METTL15: variants seen among roughly 807,000 people sequenced by gnomAD.
METTL15 encodes the protein methyltransferase 15, mitochondrial 12S rRNA N4-cytidine, also known as 12S rRNA N(4)-cytidine methyltransferase METTL15.
Under a neutral mutation model 38.3 loss-of-function variants are expected in METTL15, and 34 were observed. That is an observed-to-expected ratio of 0.89 (90% CI 0.68 to 1.18). The LOEUF (loss-of-function observed/expected upper bound fraction) is 1.18. METTL15 is among the 50% of genes most tolerant of loss of function. METTL15 has a pLI of 0.00. For missense variants in METTL15, 438 were observed against 498.4 expected (o/e 0.88, Z 1.15); for synonymous variants, 162 against 170.9 (o/e 0.95, Z 0.41).
At chr11:28,197,263 C>G (rs1011624157) in intron 3 of METTL15, among the ~76,000 whole-genome samples, 19 of 151,668 alleles carry the variant, frequency 1.3e-4, no homozygotes, top group Admixed American at 7.9e-4. Context: ...CTTCTGTCAA[C>G]CAAAGGTTCT....
chr11:28,140,237 T>G (rs1849653782), intron 3 of METTL15, among the ~76,000 whole-genome samples: 1 of 152,206 alleles, frequency 6.6e-6, no homozygotes, highest in Non-Finnish European at 1.5e-5. Flanking sequence ...CCTAGTAGTA[T>G]CTGCAGTTTG....
chr11:28,257,931 T>C (rs1235732865), intron 4 of METTL15, among the ~76,000 whole-genome samples: 2 of 152,200 alleles, frequency 1.3e-5, no homozygotes, highest in East Asian at 1.9e-4. Context: ...CTGGATCATC[T>C]TGATACTTGT....
chr11:28,147,257 A>G (rs1024372154), intron 3 of METTL15, among the ~76,000 whole-genome samples: 1 of 151,894 alleles, frequency 6.6e-6, no homozygotes, highest in East Asian at 1.9e-4. Context: ...TAAACACCTA[A>G]TGCAATCTAC....
rs567293639 is a variant in METTL15, at chr11:28,154,118, G to A, written c.270+40514G>A. 5.9e-5 allele frequency among the ~76,000 whole-genome samples: 9 copies of A among 152,196 alleles called. No individual in the cohort carries two copies. The South Asian group carries it at 1.9e-3, about 32-fold the overall frequency. On this transcript the variant is annotated intron_variant, in intron 3 of 6. Transcript: ENST00000407364. ...CAAAGTTTATCTTAATTTCAGAGGAGCTGGAAGGAAATTAGGAGGTACAAC... is the reference window on the plus strand; with the variant it reads ...CAAAGTTTATCTTAATTTCAGAGGAACTGGAAGGAAATTAGGAGGTACAAC...
intron 6 of METTL15, chr11:28,477,629 A>C (rs1013947327): frequency 2.6e-5 from 4 of 152,188 alleles, no homozygotes; most frequent in African/African-American, 9.7e-5. Context: ...TTTCCCTTAT[A>C]GCATCCCTGG....
At chr11:28,370,770 T>A (rs1182184412) in intron 5 of METTL15, among the ~76,000 whole-genome samples, 1 of 152,034 alleles carries the variant, frequency 6.6e-6, no homozygotes, top group African/African-American at 2.4e-5. Context: ...AAATGAGATG[T>A]AATTGTCATT....
intron 4 of METTL15, among the ~76,000 whole-genome samples, chr11:28,260,137 T>G (rs1281670856): frequency 6.6e-6 from 1 of 152,206 alleles, no homozygotes; most frequent in Non-Finnish European, 1.5e-5. Context: ...TCTAAGCTTC[T>G]TCTTGTTCAC....
At position 28,514,205 on chromosome 11, in the gene METTL15, A is replaced by G. The variant is rs1174178991; in HGVS notation, c.*425-12273A>G. On this transcript the variant is annotated intron_variant and NMD_transcript_variant, in intron 6 of 7. Transcript: ENST00000532947. ...CTTTGACACAGTAATTGTTTCGGGG[A>G]TGGGCAGAAACCATAGGTCTAAGCC... 4.6e-5 allele frequency among the ~76,000 whole-genome samples: 7 copies of G among 152,212 alleles called. No individual in the cohort carries two copies. The South Asian group carries it at 1.4e-3, about 32-fold the overall frequency.
rs1857368511 is a variant in METTL15 at position 28,313,233 on chromosome 11, AC to A, written c.778+16303del. On this transcript the variant is annotated intron_variant, in intron 6 of 6. Transcript: ENST00000407364. ...TAATGATTAGAAATTACCTTTTAAA[AC>A]TACCTATGCTAGTTCTGGGCACATG... is the stretch of plus-strand genomic sequence containing the variant. 2.6e-5 allele frequency among the ~76,000 whole-genome samples: 4 copies of A among 152,160 alleles called. No homozygotes were observed. In the South Asian group the frequency reaches 8.3e-4, roughly 32 times the overall value.
chr11:28,255,970 T>C (rs958742818), intron 4 of METTL15, among the ~76,000 whole-genome samples: 7 of 152,250 alleles, frequency 4.6e-5, no homozygotes, highest in Non-Finnish European at 8.8e-5. Flanking sequence ...CCCAAAGTGC[T>C]GGGATTACAG....
intron 5 of METTL15, among the ~76,000 whole-genome samples, chr11:28,369,865 A>C (rs551074702): frequency 7.1e-4 from 108 of 152,290 alleles, no homozygotes; most frequent in African/African-American, 2.5e-3. Flanking sequence ...TGGTAAAGGT[A>C]AATATATCAA....
intron 4 of METTL15, among the ~76,000 whole-genome samples, chr11:28,216,554 A>C (rs1212681569): frequency 6.6e-6 from 1 of 151,986 alleles, no homozygotes; most frequent in East Asian, 1.9e-4. Flanking sequence ...ACAATCTAGT[A>C]GTGAGAAACT....
chr11:28,401,926 A>G (rs538292270), intron 5 of METTL15, among the ~76,000 whole-genome samples: 25 of 152,124 alleles, frequency 1.6e-4, no homozygotes, highest in African/African-American at 6.0e-4. Context: ...ACCTTAATAA[A>G]TGTACTTAGT....
intron 3 of METTL15, among the ~76,000 whole-genome samples, chr11:28,156,177 T>A (rs1850257209): frequency 6.6e-6 from 1 of 152,094 alleles, no homozygotes; most frequent in African/African-American, 2.4e-5. Flanking sequence ...AGTCACCTCA[T>A]AAAAAAATAT....
At chr11:28,225,655 T>C (rs974350283) in intron 4 of METTL15, among the ~76,000 whole-genome samples, 1 of 151,872 alleles carries the variant, frequency 6.6e-6, no homozygotes, top group African/African-American at 2.4e-5. Context: ...TTGATATTTA[T>C]AAATTGTACT....
chr11:28,275,963 A>G lies in METTL15; in HGVS notation c.408-14243A>G, dbSNP rs531329258. 3.3e-4 allele frequency among the ~76,000 whole-genome samples: 50 copies of G among 152,240 alleles called. No individual in the cohort carries two copies. In the South Asian group the frequency reaches 9.7e-3, roughly 30 times the overall value. The stretch of plus-strand genomic sequence containing the variant: ...AACATTCCTTAAAATACTAAGTGCC[A>G]TATATTACACACCTATAGCTAACAT... On this transcript the variant is annotated intron_variant, in intron 4 of 6. Coordinates refer to ENST00000407364, the MANE Select transcript of METTL15 (RefSeq NM_001113528.2).
intron 5 of METTL15, among the ~76,000 whole-genome samples, chr11:28,384,956 A>C (rs916817296): frequency 1.3e-5 from 2 of 152,054 alleles, no homozygotes; most frequent in Non-Finnish European, 2.9e-5. Flanking sequence ...GAAAAGTATC[A>C]ATTCATGTCC....
At chr11:28,152,287 G>A (rs1850117938) in intron 3 of METTL15, among the ~76,000 whole-genome samples, 1 of 151,704 alleles carries the variant, frequency 6.6e-6, no homozygotes, top group Non-Finnish European at 1.5e-5. Context: ...ATAAGCACTA[G>A]GCCTAAGCTG....
chr11:28,245,568 G>C (rs1854475270), intron 4 of METTL15, among the ~76,000 whole-genome samples: 2 of 152,090 alleles, frequency 1.3e-5, no homozygotes, highest in Non-Finnish European at 2.9e-5. Context: ...TTCAAAATTG[G>C]AAAAGTTGTG....
Sources: allele counts gnomAD v4.1 joint callset (sites outside exome capture counted in the v4.1 genomes callset), GRCh38; gene constraint gnomAD v4.1.1; transcripts MANE v1.5; gene names NCBI Gene and HGNC (gene_info 2026-07-23, HGNC 2026-07-21).